The following CHL1 variants were observed in gnomAD, a reference collection of about 807,000 sequenced individuals.
The protein encoded by CHL1 is neural cell adhesion molecule L1-like protein.
A neutral mutation model predicts 141.9 loss-of-function variants in CHL1; 96 were observed. The ratio of observed to expected loss-of-function variants is 0.68; its 90% CI spans 0.57 to 0.80. The LOEUF (loss-of-function observed/expected upper bound fraction) is 0.80, where lower values mean the gene tolerates loss of function less well. Ranked by LOEUF, CHL1 falls within the 30% of genes least tolerant of loss-of-function variation. The pLI is 0.00. For missense variants in CHL1, 1,820 were observed against 1,457.2 expected (o/e 1.25, Z -4.05); for synonymous variants, 613 against 502.2 (o/e 1.22, Z -2.95).
rs577163559 is a variant in CHL1 at position 207,593 on chromosome 3, C to A, written c.-175+10530C>A. Among the ~76,000 whole-genome samples the A allele has an allele frequency of 2.0e-5, 3 of 152,270 alleles. No homozygotes were observed. The South Asian group carries it at 6.2e-4, about 32-fold the overall frequency. On this transcript the variant is annotated intron_variant, in intron 1 of 27. Coordinates refer to ENST00000256509, the MANE Select transcript of CHL1 (RefSeq NM_006614.4). ...AACATATAGGCAATAACAATTTTAA[C>A]ATCTATCACCTATATCTGCATGAAT...
intron 12 of CHL1, 25 bp downstream of exon 12, chr3:360,449 A>C (rs1470055341): frequency 1.2e-6 from 2 of 1,610,616 alleles, no homozygotes; most frequent in Non-Finnish European, 8.5e-7. Context: ...GAGCTGACTT[A>C]ACATGCTATT....
At chr3:302,097 A>G (rs1229784033) in intron 2 of CHL1, among the ~76,000 whole-genome samples, 1 of 152,238 alleles carries the variant, frequency 6.6e-6, no homozygotes, top group Non-Finnish European at 1.5e-5. Context: ...TTATGGTTGC[A>G]TAGTATTCCA....
chr3:219,598 G>A (rs1359047292), intron 1 of CHL1, among the ~76,000 whole-genome samples: 2 of 152,180 alleles, frequency 1.3e-5, no homozygotes, highest in South Asian at 2.1e-4. Context: ...CCTAATGCAG[G>A]AAAACCAAAT....
intron 3 of CHL1, 91 bp from the exon 4 acceptor site, chr3:325,868 T>C: frequency 1.4e-6 from 1 of 734,740 alleles, no homozygotes; most frequent in East Asian, 2.7e-5. Flanking sequence ...CACTTATCAG[T>C]ATACAAAAGA....
intron 2 of CHL1, among the ~76,000 whole-genome samples, chr3:304,655 C>A (rs759137414): frequency 6.6e-5 from 10 of 151,992 alleles, no homozygotes; most frequent in Non-Finnish European, 1.5e-5. Flanking sequence ...GTCTGGCTAG[C>A]GGTCTAACTA....
At chr3:397,313 A>G (rs973779900) in intron 24 of CHL1, among the ~76,000 whole-genome samples, 1 of 152,106 alleles carries the variant, frequency 6.6e-6, no homozygotes, top group Non-Finnish European at 1.5e-5. Context: ...CATTTTTAAT[A>G]AAACCTTTTT....
chr3:294,546 T>C (rs1698007862), intron 2 of CHL1, among the ~76,000 whole-genome samples: 1 of 152,234 alleles, frequency 6.6e-6, no homozygotes, highest in Non-Finnish European at 1.5e-5. Context: ...GTGTGTTGTC[T>C]GAGAGAAAAA....
rs1195696348 is a variant in CHL1 at position 407,001 on chromosome 3, T to A, written c.*1290T>A. 1 of 152,154 alleles carries A rather than the reference T, an allele frequency of 6.6e-6. No individual in the cohort carries two copies. Among genetic ancestry groups the A allele is most frequent in the East Asian group, 1.9e-4 (1 of 5,196 alleles). The allele number at this position is 152,154 out of a possible 1,614,324, so 9.4% of individuals were successfully genotyped here. A position where few individuals can be genotyped will look rare whatever the true frequency, so the allele number is the denominator to read the frequency against. On this transcript the variant is annotated 3_prime_UTR_variant, in exon 28 of 28. Transcript: ENST00000256509. ...TTAAACATCTTTGTGGTGAGAATTT[T>A]TTCCCCGATATTCTCCTTCTGTCAA...
intron 2 of CHL1, among the ~76,000 whole-genome samples, chr3:268,167 A>T (rs1695317522): frequency 6.6e-6 from 1 of 152,240 alleles, no homozygotes; most frequent in Non-Finnish European, 1.5e-5. Flanking sequence ...TATTTACATC[A>T]AACTGTGGGT....
intron 16 of CHL1, among the ~76,000 whole-genome samples, chr3:379,400 T>G (rs1304928713): frequency 6.6e-6 from 1 of 152,112 alleles, no homozygotes; most frequent in African/African-American, 2.4e-5. Context: ...TTTGAGCATT[T>G]TCAGGTCTTT....
At chr3:364,608 C>T (rs149417054) in intron 14 of CHL1, among the ~76,000 whole-genome samples, 4 of 151,896 alleles carry the variant, frequency 2.6e-5, no homozygotes, top group East Asian at 1.9e-4. Flanking sequence ...AAAATATATA[C>T]GAATCGTATC....
intron 2 of CHL1, among the ~76,000 whole-genome samples, chr3:305,991 A>G (rs1482270950): frequency 6.6e-6 from 1 of 152,322 alleles, no homozygotes; most frequent in Non-Finnish European, 1.5e-5. Context: ...TGCACATTAT[A>G]TCCAGAAAAT....
chr3:290,780 A>G (rs1024343301), intron 2 of CHL1, among the ~76,000 whole-genome samples: 2 of 152,032 alleles, frequency 1.3e-5, no homozygotes, highest in African/African-American at 4.8e-5. Context: ...AAAGTTGTCT[A>G]TTTTAATTAG....
chr3:294,007 C>G (rs375214698), intron 2 of CHL1, among the ~76,000 whole-genome samples: 2 of 152,016 alleles, frequency 1.3e-5, no homozygotes, highest in East Asian at 3.9e-4. Context: ...GGTGACCCAT[C>G]CACCTTAGAT....
chr3:400,024 GA>G (rs1708994916), intron 26 of CHL1, among the ~76,000 whole-genome samples: 1 of 152,020 alleles, frequency 6.6e-6, no homozygotes, highest in African/African-American at 2.4e-5. Context: ...TTCAACTCCC[GA>G]ATTTGTTTTG....
intron 15 of CHL1, among the ~76,000 whole-genome samples, chr3:371,932 C>T (rs1476488337): frequency 6.6e-6 from 1 of 152,096 alleles, no homozygotes; most frequent in Non-Finnish European, 1.5e-5. Flanking sequence ...TGAATATTGG[C>T]CTCCACTCTC....
intron 14 of CHL1, among the ~76,000 whole-genome samples, chr3:365,697 T>G (rs1039020881): frequency 6.6e-6 from 1 of 152,206 alleles, no homozygotes; most frequent in African/African-American, 2.4e-5. Context: ...CTTTGCTTAC[T>G]CCCTTCCCCA....
At chr3:245,298 C>T (rs945740208) in intron 2 of CHL1, among the ~76,000 whole-genome samples, 1 of 152,144 alleles carries the variant, frequency 6.6e-6, no homozygotes, top group African/African-American at 2.4e-5. Context: ...GAGGGCCAAA[C>T]ACACAGTGAT....
At chr3:363,443 T>G (rs1343810902) in intron 14 of CHL1, 60 bp downstream of exon 14, 2 of 1,450,676 alleles carry the variant, frequency 1.4e-6, no homozygotes, top group East Asian at 2.3e-5. Context: ...CTGTCTTCAT[T>G]TGCCCAAATG....
Sources: gnomAD v4.1 joint callset for allele counts (sites outside exome capture counted in the v4.1 genomes callset) on GRCh38, gnomAD v4.1.1 for gene constraint, MANE v1.5 for transcripts, NCBI Gene and HGNC (gene_info 2026-07-23, HGNC 2026-07-21) for gene names.